The following SLC11A2 variants were observed in gnomAD, a reference collection of about 807,000 sequenced individuals.
The protein encoded by SLC11A2 is solute carrier family 11 member 2.
In SLC11A2, 38 loss-of-function variants were observed where a neutral mutation model predicts 68.0. The ratio of observed to expected loss-of-function variants is 0.56; its 90% CI spans 0.43 to 0.73. The LOEUF (loss-of-function observed/expected upper bound fraction) is 0.73. SLC11A2 is among the 30% of genes least tolerant of loss of function. The pLI, the probability that SLC11A2 is intolerant of heterozygous loss-of-function variation, is 0.00. For missense variants in SLC11A2, 517 were observed against 690.5 expected, an observed-to-expected ratio of 0.75 and a Z score of 2.82; for synonymous variants, 242 against 250.6, an observed-to-expected ratio of 0.97 and a Z score of 0.32.
the SLC11A2 span, chr12:50,953,958 AC>A: frequency 6.8e-6 from 8 of 1,174,780 alleles, no homozygotes; most frequent in Admixed American, 1.8e-5. Flanking sequence ...TTAATGATTC[AC>A]GGCAACCACA....
downstream of SLC11A2, among the ~76,000 whole-genome samples, chr12:50,984,436 A>G (rs990104406): frequency 2.6e-5 from 4 of 152,206 alleles, no homozygotes; most frequent in African/African-American, 9.6e-5. Flanking sequence ...GCCTTTCCCA[A>G]GTGAGCAATG....
intron 8 of SLC11A2, among the ~76,000 whole-genome samples, chr12:50,997,429 C>A (rs998804633): frequency 2.0e-5 from 3 of 152,010 alleles, no homozygotes; most frequent in Admixed American, 1.3e-4. Flanking sequence ...GGGCTGGGTG[C>A]GGTGGCTCAC....
rs1478744479 is a variant in SLC11A2 at position 50,993,867 on chromosome 12, C to T, written c.1077+677G>A. Among the ~76,000 whole-genome samples the T allele has an allele frequency of 2.6e-5, 4 of 151,336 alleles. No homozygotes were observed. The East Asian group carries it at 5.9e-4, about 22-fold the overall frequency. On this transcript the variant is annotated intron_variant, in intron 11 of 15. Transcript: ENST00000262052. Reference sequence around the variant, plus strand: ...AAATAGCCAAGCATGGTGGTGCTTGCCTGCAGTCCCATTACCCAAAAGACT... The same window carrying T: ...AAATAGCCAAGCATGGTGGTGCTTGTCTGCAGTCCCATTACCCAAAAGACT...
intron 2 of SLC11A2, chr12:51,009,078 G>T: frequency 1.7e-6 from 2 of 1,181,688 alleles, no homozygotes; most frequent in Non-Finnish European, 2.4e-6. Context: ...CCTGTCTAGC[G>T]AAATGTCCTC....
chr12:50,973,451 T>A, the SLC11A2 span, among the ~76,000 whole-genome samples: 2 of 152,002 alleles, frequency 1.3e-5, no homozygotes, highest in Non-Finnish European at 2.9e-5. Context: ...GAAGGAAAAC[T>A]AACAAACAGA....
At chr12:51,023,371 T>A (rs1944170002) in intron 1 of SLC11A2, among the ~76,000 whole-genome samples, 1 of 152,178 alleles carries the variant, frequency 6.6e-6, no homozygotes, top group African/African-American at 2.4e-5. Context: ...CGCTTAAGCC[T>A]GGAATGTGGA....
chr12:50,985,268 G>T (rs916313009), downstream of SLC11A2, among the ~76,000 whole-genome samples: 1 of 152,138 alleles, frequency 6.6e-6, no homozygotes, highest in Non-Finnish European at 1.5e-5. Flanking sequence ...TCCTCACATT[G>T]TTTTGAATCC....
chr12:50,977,100 C>T (rs1245964588), downstream of SLC11A2, among the ~76,000 whole-genome samples: 1 of 152,200 alleles, frequency 6.6e-6, no homozygotes, highest in Non-Finnish European at 1.5e-5. Flanking sequence ...AATGCCATCC[C>T]CATCAAGCTA....
intron 1 of SLC11A2, among the ~76,000 whole-genome samples, chr12:51,019,734 A>G (rs929482839): frequency 1.3e-5 from 2 of 150,650 alleles, no homozygotes; most frequent in African/African-American, 4.9e-5. Flanking sequence ...TGTAGCTTCA[A>G]CCTCCTGGGC....
At chr12:50,969,711 A>C in the SLC11A2 span, among the ~76,000 whole-genome samples, 1 of 152,026 alleles carries the variant, frequency 6.6e-6, no homozygotes, top group African/African-American at 2.4e-5. Flanking sequence ...TCAAAAAAAA[A>C]AAAACAAAAA....
chr12:50,989,937 G>A (rs1023990752), intron 15 of SLC11A2, among the ~76,000 whole-genome samples: 1 of 152,094 alleles, frequency 6.6e-6, no homozygotes, highest in African/African-American at 2.4e-5. Context: ...AAAGAAACCT[G>A]TATAGAACAG....
At chr12:51,020,439 T>C (rs1043801406) in intron 1 of SLC11A2, among the ~76,000 whole-genome samples, 2 of 152,132 alleles carry the variant, frequency 1.3e-5, no homozygotes, top group Non-Finnish European at 2.9e-5. Flanking sequence ...AAAGCCCCTG[T>C]GGTAAGTATT....
intron 1 of SLC11A2, among the ~76,000 whole-genome samples, chr12:51,020,717 G>A (rs781296673): frequency 6.6e-6 from 1 of 152,158 alleles, no homozygotes; most frequent in Non-Finnish European, 1.5e-5. Context: ...AAAAACGGTT[G>A]CTTGTGCCTG....
intron 1 of SLC11A2, among the ~76,000 whole-genome samples, chr12:51,011,305 T>C (rs976464236): frequency 6.6e-6 from 1 of 152,056 alleles, no homozygotes; most frequent in South Asian, 2.1e-4. Flanking sequence ...ATTTTTTGTA[T>C]TTTTAGTAGA....
the SLC11A2 span, among the ~76,000 whole-genome samples, chr12:50,972,887 C>G: frequency 6.6e-6 from 1 of 152,236 alleles, no homozygotes; most frequent in Admixed American, 6.5e-5. Context: ...CGGAGCCTCA[C>G]TGATTGCTAG....
At chr12:50,959,089 T>C in the SLC11A2 span, among the ~76,000 whole-genome samples, 5 of 152,180 alleles carry the variant, frequency 3.3e-5, no homozygotes, top group Non-Finnish European at 4.4e-5. Context: ...ATTTTGTCCT[T>C]GTCATATTCT....
intron 1 of SLC11A2, among the ~76,000 whole-genome samples, chr12:51,013,914 C>T (rs746737362): frequency 1.1e-4 from 17 of 151,972 alleles, no homozygotes; most frequent in South Asian, 1.0e-3. Context: ...CTCCGCCTCC[C>T]GGGTTCAAGC....
downstream of SLC11A2, among the ~76,000 whole-genome samples, chr12:50,976,854 GACAA>G (rs1203790821): frequency 2.0e-5 from 3 of 152,064 alleles, no homozygotes; most frequent in African/African-American, 7.2e-5. Flanking sequence ...ACCAATAACA[GACAA>G]ACAGAGAGCC....
At chr12:50,978,288 C>T (rs1024652821), downstream of SLC11A2, among the ~76,000 whole-genome samples, 2 of 151,696 alleles carry the variant, frequency 1.3e-5, no homozygotes, top group South Asian at 2.1e-4. Context: ...GTGGCACATA[C>T]ACACCATGGA....
Sources: gnomAD v4.1 joint callset for allele counts (sites outside exome capture counted in the v4.1 genomes callset) on GRCh38, gnomAD v4.1.1 for gene constraint, MANE v1.5 for transcripts, NCBI Gene and HGNC (gene_info 2026-07-23, HGNC 2026-07-21) for gene names.